STON1: variants seen among roughly 807,000 people sequenced by gnomAD.
STON1 encodes stonin 1.
Under a neutral mutation model 60.9 loss-of-function variants are expected in STON1, and 79 were observed. The ratio of observed to expected loss-of-function variants is 1.30; its 90% CI spans 1.08 to 1.56. The LOEUF (loss-of-function observed/expected upper bound fraction) is 1.56. STON1 is among the 40% of genes most tolerant of loss of function. STON1 has a pLI of 0.00. For synonymous variants in STON1, 363 were observed against 306.9 expected, an observed-to-expected ratio of 1.18 and a Z score of -1.91; for missense variants, 1,166 against 858.9, an observed-to-expected ratio of 1.36 and a Z score of -4.47.
At chr2:48,554,518 C>G (rs879792911) in intron 1 of STON1, among the ~76,000 whole-genome samples, 2 of 152,100 alleles carry the variant, frequency 1.3e-5, no homozygotes, top group Non-Finnish European at 2.9e-5. Context: ...CCATTGCGCC[C>G]GGCCTTTTGC....
chr2:48,564,665 TTTCTTC>T (rs781532074), intron 1 of STON1, among the ~76,000 whole-genome samples: 6 of 140,172 alleles, frequency 4.3e-5, no homozygotes, highest in African/African-American at 1.7e-4. Flanking sequence ...TTCTTTCTTA[TTTCTTC>T]TTCTTCTTCT....
chr2:48,587,283 GTATT>G (rs10557905), intron 2 of STON1, among the ~76,000 whole-genome samples: 37,090 of 151,198 alleles, frequency 0.25, 5,181 homozygotes, highest in African/African-American at 0.36. Flanking sequence ...TCTCCCATGA[GTATT>G]TATTTATTTA....
At chr2:48,569,276 T>C (rs1673084225) in intron 1 of STON1, among the ~76,000 whole-genome samples, 1 of 152,206 alleles carries the variant, frequency 6.6e-6, no homozygotes, top group African/African-American at 2.4e-5. Context: ...TTAAATGTCT[T>C]CCTAACCCTA....
chr2:48,537,349 G>T (rs180878614), intron 1 of STON1, among the ~76,000 whole-genome samples: 174 of 152,124 alleles, frequency 1.1e-3, no homozygotes, highest in African/African-American at 4.1e-3. Context: ...TTTACTTAAT[G>T]CTTTAATGTC....
rs540056411 is a variant in STON1 at position 48,588,827 on chromosome 2, G to A, written c.1931-2826G>A. On this transcript the variant is annotated intron_variant, in intron 2 of 3. Transcript: ENST00000404752. ...CCTTAATGTCCCTTCTAACCAGCTT[G>A]TCAATGCTTAGTATTCCTTTGACAG... is the stretch of plus-strand genomic sequence containing the variant. Among the ~76,000 whole-genome samples, 5 of 152,232 alleles carry A rather than the reference G, an allele frequency of 3.3e-5. 1 individual carries two copies. In the East Asian group the frequency reaches 9.7e-4, roughly 29 times the overall value.
chr2:48,543,286 T>C (rs1189016827), intron 1 of STON1, among the ~76,000 whole-genome samples: 1 of 151,998 alleles, frequency 6.6e-6, no homozygotes, highest in Non-Finnish European at 1.5e-5. Context: ...TATCTTGATA[T>C]TTTTGGTAAT....
chr2:48,577,217 T>G (rs1234770969), intron 1 of STON1, among the ~76,000 whole-genome samples: 2 of 152,168 alleles, frequency 1.3e-5, no homozygotes, highest in Non-Finnish European at 2.9e-5. Flanking sequence ...GCCTGTGCTT[T>G]GCTGTCATAT....
intron 2 of STON1, 44 bp downstream of exon 2, chr2:48,582,607 TA>T (rs755472905): frequency 6.4e-7 from 1 of 1,571,088 alleles, no homozygotes; most frequent in Non-Finnish European, 8.6e-7. Flanking sequence ...GGAAATAGCT[TA>T]AATATTCTTA....
rs568381338 is a variant in STON1, at chr2:48,532,860, C to T, written c.-48+2644C>T. Among the ~76,000 whole-genome samples, 6 of 152,264 alleles carry T rather than the reference C, an allele frequency of 3.9e-5. No individual in the cohort carries two copies. In the South Asian group the frequency reaches 6.2e-4, roughly 16 times the overall value. On this transcript the variant is annotated intron_variant, in intron 1 of 3. Coordinates refer to ENST00000404752, the MANE Select transcript of STON1 (RefSeq NM_006873.4). ...GTCAGATGAGTTGGAAATATCAATA[C>T]ATGAAGTGTGGGACCAGTGGAGAGC... is the stretch of plus-strand genomic sequence containing the variant.
At chr2:48,569,477 A>G (rs766560415) in intron 1 of STON1, among the ~76,000 whole-genome samples, 1 of 152,220 alleles carries the variant, frequency 6.6e-6, no homozygotes, top group Non-Finnish European at 1.5e-5. Context: ...GAGAGACTTA[A>G]TTTGTGGAAA....
At chr2:48,543,719 A>C (rs1200227787) in intron 1 of STON1, among the ~76,000 whole-genome samples, 2 of 151,728 alleles carry the variant, frequency 1.3e-5, no homozygotes, top group Non-Finnish European at 2.9e-5. Flanking sequence ...TTTAGTAGAG[A>C]TGGGGTTTCT....
intron 1 of STON1, among the ~76,000 whole-genome samples, chr2:48,544,843 G>A (rs540422886): frequency 2.0e-5 from 3 of 152,300 alleles, no homozygotes; most frequent in African/African-American, 7.2e-5. Flanking sequence ...CACTGAGCCC[G>A]GCCATAAGGT....
chr2:48,577,549 C>G (rs1372720572), intron 1 of STON1, among the ~76,000 whole-genome samples: 2 of 151,386 alleles, frequency 1.3e-5, no homozygotes, highest in Non-Finnish European at 2.9e-5. Flanking sequence ...CCACTGCATT[C>G]CAGCCTGAGC....
At chr2:48,588,159 CTG>C (rs1282472574) in intron 2 of STON1, among the ~76,000 whole-genome samples, 1 of 152,180 alleles carries the variant, frequency 6.6e-6, no homozygotes, top group East Asian at 1.9e-4. Context: ...ATCTGGAATA[CTG>C]TGTTTCTAAC....
Position 48,582,458 on chromosome 2 carries a change from C to G in STON1, c.1825C>G (p.Leu609Val). 1.2e-6 allele frequency: 2 copies of G among 1,614,232 alleles called. No homozygotes were observed. The highest frequency in any genetic ancestry group is 1.7e-6 in the Non-Finnish European group (2 of 1,180,052). ...AGCATGTCTGGGGAGTTTACAGGAA[C>G]TTGAATCTGAACCTGTCATTCAAGT... ...RRACLGSLQELESEPVIQVTV... is the reference protein window; with the variant it reads ...RRACLGSLQEVESEPVIQVTV... The change falls in exon 2 of 4, where the codon CTT becomes GTT. Residue 609 changes from leucine (L) to valine (V), a missense_variant. By Grantham distance (32) the Leu-to-Val change is conservative. Coordinates refer to ENST00000404752, the MANE Select transcript of STON1 (RefSeq NM_006873.4).
chr2:48,559,775 A>C (rs553938138), intron 1 of STON1, among the ~76,000 whole-genome samples: 5 of 152,254 alleles, frequency 3.3e-5, no homozygotes, highest in Admixed American at 3.3e-4. Context: ...ATGGTGCTTA[A>C]CTCAGAACCC....
intron 1 of STON1, among the ~76,000 whole-genome samples, chr2:48,557,019 G>A (rs867002285): frequency 0.012 from 1,104 of 92,860 alleles, 76 homozygotes; most frequent in Middle Eastern, 0.027. Flanking sequence ...CCCGGGCGGG[G>A]GGGCTGACCC....
intron 1 of STON1, among the ~76,000 whole-genome samples, chr2:48,541,223 T>C (rs564099372): frequency 2.6e-5 from 4 of 151,624 alleles, no homozygotes; most frequent in Admixed American, 6.6e-5. Context: ...TGGTGTTGTA[T>C]GACTATAATC....
At chr2:48,573,442 T>A (rs1286837082) in intron 1 of STON1, among the ~76,000 whole-genome samples, 1 of 152,224 alleles carries the variant, frequency 6.6e-6, no homozygotes, top group Non-Finnish European at 1.5e-5. Context: ...AGCATCACTT[T>A]GGAGTTGGAA....
Sources: gnomAD v4.1 joint callset for allele counts (sites outside exome capture counted in the v4.1 genomes callset) on GRCh38, gnomAD v4.1.1 for gene constraint, MANE v1.5 for transcripts, NCBI Gene and HGNC (gene_info 2026-07-23, HGNC 2026-07-21) for gene names.